Variants in MRTFA observed in about 807,000 individuals in gnomAD.
MRTFA encodes the protein myocardin-related transcription factor A.
In MRTFA, 20 loss-of-function variants were observed where a neutral mutation model predicts 83.5. The ratio of observed to expected loss-of-function variants is 0.24; its 90% CI spans 0.17 to 0.35. MRTFA has a LOEUF of 0.35. MRTFA is among the 10% of genes least tolerant of loss of function. MRTFA has a pLI of 1.00. For missense variants in MRTFA, 1,200 were observed against 1,224.7 expected, an observed-to-expected ratio of 0.98 and a Z score of 0.30; for synonymous variants, 659 against 541.2, an observed-to-expected ratio of 1.22 and a Z score of -3.02.
chr22:40,451,318 C>G (rs1035992874), intron 4 of MRTFA, among the ~76,000 whole-genome samples: 4 of 152,156 alleles, frequency 2.6e-5, no homozygotes, highest in Non-Finnish European at 4.4e-5. Flanking sequence ...TCATGTGAAT[C>G]AATGAAAGCA....
chr22:40,427,449 C>G (rs2052978653), intron 7 of MRTFA, among the ~76,000 whole-genome samples: 1 of 152,148 alleles, frequency 6.6e-6, no homozygotes, highest in Admixed American at 6.5e-5. Flanking sequence ...AGTGTTTCCC[C>G]TCTGCCCAAA....
At chr22:40,525,545 C>T (rs2147266412) in intron 3 of MRTFA, among the ~76,000 whole-genome samples, 1 of 152,206 alleles carries the variant, frequency 6.6e-6, no homozygotes, top group South Asian at 2.1e-4. Context: ...CTACAATGTA[C>T]ACTTATGAAA....
chr22:40,470,017 A>T (rs984887286), intron 3 of MRTFA, among the ~76,000 whole-genome samples: 1 of 151,838 alleles, frequency 6.6e-6, no homozygotes, highest in African/African-American at 2.4e-5. Context: ...TCAGGTCAGC[A>T]GTTCAAGACC....
At chr22:40,561,196 CTGTGTGTGTG>C (rs752792495) in intron 2 of MRTFA, among the ~76,000 whole-genome samples, 2 of 140,702 alleles carry the variant, frequency 1.4e-5, no homozygotes. Context: ...ATGGGTATCT[CTGTGTGTGTG>C]TGTGTCTGTG....
At chr22:40,426,682 G>A (rs1486127063) in intron 7 of MRTFA, among the ~76,000 whole-genome samples, 1 of 152,102 alleles carries the variant, frequency 6.6e-6, no homozygotes, top group Non-Finnish European at 1.5e-5. Flanking sequence ...GCTGCCCCCA[G>A]ACGTGCTATA....
intron 3 of MRTFA, among the ~76,000 whole-genome samples, chr22:40,536,338 C>G (rs1278693184): frequency 2.0e-5 from 3 of 150,538 alleles, no homozygotes; most frequent in South Asian, 2.1e-4. Flanking sequence ...CGCCGCCGCC[C>G]GACCGCCGGG....
At chr22:40,535,957 T>C (rs898300112) in intron 3 of MRTFA, among the ~76,000 whole-genome samples, 1 of 152,006 alleles carries the variant, frequency 6.6e-6, no homozygotes. Context: ...ACCCACTATC[T>C]CACTGGCACT....
intron 3 of MRTFA, among the ~76,000 whole-genome samples, chr22:40,469,890 CA>C (rs2053869944): frequency 1.3e-5 from 2 of 151,896 alleles, no homozygotes; most frequent in Non-Finnish European, 2.9e-5. Context: ...CCAACCTGGG[CA>C]AAATAGCAAG....
intron 3 of MRTFA, among the ~76,000 whole-genome samples, chr22:40,535,546 T>A (rs901504569): frequency 6.6e-6 from 1 of 151,646 alleles, no homozygotes; most frequent in Non-Finnish European, 1.5e-5. Flanking sequence ...AAAGATGGGG[T>A]TTCACCATGT....
intron 3 of MRTFA, among the ~76,000 whole-genome samples, chr22:40,536,998 G>A (rs1279062212): frequency 9.4e-5 from 7 of 74,088 alleles, no homozygotes; most frequent in African/African-American, 1.8e-4. Flanking sequence ...CAGCCACCCC[G>A]TCCGGGAGGG....
intron 4 of MRTFA, among the ~76,000 whole-genome samples, chr22:40,441,549 C>G (rs1426993789): frequency 1.3e-5 from 2 of 152,174 alleles, no homozygotes; most frequent in African/African-American, 4.8e-5. Context: ...CTTTGGGAGG[C>G]CGAGGCAGGT....
intron 1 of MRTFA, among the ~76,000 whole-genome samples, chr22:40,601,619 C>A (rs996772357): frequency 2.0e-5 from 3 of 152,058 alleles, no homozygotes; most frequent in African/African-American, 7.2e-5. Flanking sequence ...TTAATTTCAG[C>A]AGTTATCACA....
chr22:40,527,697 T>C (rs919061076), intron 3 of MRTFA, among the ~76,000 whole-genome samples: 1 of 149,782 alleles, frequency 6.7e-6, no homozygotes, highest in South Asian at 2.1e-4. Context: ...AGGTGGAGCT[T>C]GCAGTGAGCC....
chr22:40,612,515 T>C (rs572819585), intron 1 of MRTFA, among the ~76,000 whole-genome samples: 4 of 152,336 alleles, frequency 2.6e-5, no homozygotes, highest in East Asian at 1.9e-4. Flanking sequence ...CCACAGAGTA[T>C]TGACCTGGAG....
intron 3 of MRTFA, among the ~76,000 whole-genome samples, chr22:40,475,532 G>A (rs181879878): frequency 3.5e-4 from 53 of 151,658 alleles, no homozygotes; most frequent in African/African-American, 1.2e-3. Context: ...GCCAGACTCC[G>A]TCTGAAAAAA....
intron 1 of MRTFA, among the ~76,000 whole-genome samples, chr22:40,603,889 A>G (rs2056288200): frequency 6.6e-6 from 1 of 151,804 alleles, no homozygotes; most frequent in South Asian, 2.1e-4. Flanking sequence ...CTGGGATTAT[A>G]GGCATAAGCC....
intron 1 of MRTFA, among the ~76,000 whole-genome samples, chr22:40,608,407 T>C (rs551012286): frequency 6.6e-6 from 1 of 152,326 alleles, no homozygotes; most frequent in Admixed American, 6.5e-5. Context: ...AGCTGATTAG[T>C]GACAGATGAA....
chr22:40,463,836 T>C (rs1012528919), intron 3 of MRTFA, among the ~76,000 whole-genome samples: 1 of 152,240 alleles, frequency 6.6e-6, no homozygotes, highest in African/African-American at 2.4e-5. Context: ...AATATGCCTC[T>C]GTTTTTCTTC....
Position 40,416,895 on chromosome 22 carries a change from G to C in MRTFA, c.2578+91C>G. The C allele has an allele frequency of 8.1e-7, 1 of 1,240,872 alleles. No homozygotes were observed. The highest frequency in any genetic ancestry group is 1.1e-6 in the Non-Finnish European group (1 of 873,390). 76.9% of individuals were successfully genotyped at this position (1,240,872 alleles called of 1,614,324 possible). A position where few individuals can be genotyped will look rare whatever the true frequency, so the allele number is the denominator to read the frequency against. ...GCTTGCCCAAGACTGGTCACGCACG[G>C]AAGCATTCAATAAAAACAAACCAAC... On this transcript the variant is annotated intron_variant, in intron 14 of 14. Transcript: ENST00000355630. The surrounding 1 kb of genome is among the most constrained non-coding windows in gnomAD (Gnocchi z 4.2).
Sources: gnomAD v4.1 joint callset for allele counts (sites outside exome capture counted in the v4.1 genomes callset) on GRCh38, gnomAD v4.1.1 for gene constraint, Gnocchi (gnomAD v3.1) non-coding constraint, MANE v1.5 for transcripts, NCBI Gene and HGNC (gene_info 2026-07-23, HGNC 2026-07-21) for gene names.